The following SMAD2 variants were observed in gnomAD, a reference collection of about 807,000 sequenced individuals.
SMAD2 encodes MAD homolog 2.
In SMAD2, 8 loss-of-function variants were observed where a neutral mutation model predicts 64.4. The ratio of observed to expected loss-of-function variants is 0.12; its 90% CI spans 0.07 to 0.22. SMAD2 has a LOEUF of 0.22. Among genes scored for constraint, SMAD2 ranks in the 10% least tolerant of loss-of-function variants. SMAD2 has a pLI of 1.00. For missense variants in SMAD2, 289 were observed against 561.2 expected, an observed-to-expected ratio of 0.51 and a Z score of 4.90; for synonymous variants, 203 against 195.8, an observed-to-expected ratio of 1.04 and a Z score of -0.31.
chr18:47,869,981 G>T (rs2031833913), intron 3 of SMAD2, among the ~76,000 whole-genome samples: 1 of 151,964 alleles, frequency 6.6e-6, no homozygotes, highest in African/African-American at 2.4e-5. Flanking sequence ...TGAATATGAT[G>T]AGATGAAATG....
rs1162645091 is a variant in SMAD2 at position 47,845,483 on chromosome 18, G to A, written c.1137C>T (p.Gly379=). 6.2e-7 allele frequency: 1 copy of A among 1,612,534 alleles called. No individual in the cohort carries two copies. The highest frequency in any genetic ancestry group is 1.3e-5 in the African/African-American group (1 of 74,870). The change falls in exon 10 of 11, where the codon GGC becomes GGT. Residue 379 remains glycine (G), a splice_region_variant and synonymous_variant. Coordinates refer to ENST00000262160, the MANE Select transcript of SMAD2 (RefSeq NM_005901.6). ...HPATVCKIPP[G]CNLKIFNNQE... The stretch of plus-strand genomic sequence containing the variant: ...GGTTGTTGAAGATCTTCAGATTACA[G>A]CCTATGATTAAAAAAGGTAAAAGAA...
chr18:47,859,061 A>T (rs1279679485), intron 6 of SMAD2, among the ~76,000 whole-genome samples: 1 of 152,154 alleles, frequency 6.6e-6, no homozygotes, highest in Admixed American at 6.5e-5. Context: ...AAAATATATC[A>T]TGTAACCAGA....
At chr18:47,867,982 T>C (rs535645852) in intron 5 of SMAD2, among the ~76,000 whole-genome samples, 6 of 152,298 alleles carry the variant, frequency 3.9e-5, no homozygotes, top group African/African-American at 1.4e-4. Flanking sequence ...GGGGGGTACT[T>C]TTCTCCTACA....
chr18:47,858,577 G>C (rs1428015789), intron 6 of SMAD2, among the ~76,000 whole-genome samples: 1 of 151,936 alleles, frequency 6.6e-6, no homozygotes, highest in Non-Finnish European at 1.5e-5. Context: ...CTGAACTTTG[G>C]GGTTTATATA....
rs1309107839 is a variant in SMAD2, at chr18:47,854,525, G to A, written c.731-3198C>T. On this transcript the variant is annotated intron_variant, in intron 6 of 10. Transcript: ENST00000262160. ...ATTTCTTGTTTTTGTTGTAAACAGT[G>A]TATTTCTGTTCTTTTAGCCAATTCT... is the stretch of plus-strand genomic sequence containing the variant. 5.3e-5 allele frequency among the ~76,000 whole-genome samples: 8 copies of A among 152,016 alleles called. 1 individual carries two copies. The highest frequency in any genetic ancestry group is 8.8e-5 in the Non-Finnish European group (6 of 68,000).
At chr18:47,920,536 G>A (rs918986162) in intron 1 of SMAD2, among the ~76,000 whole-genome samples, 5 of 152,194 alleles carry the variant, frequency 3.3e-5, no homozygotes, top group African/African-American at 1.2e-4. Context: ...AAGGATAAAC[G>A]AAAAGCTAGT....
At position 47,821,593 on chromosome 18, in the gene SMAD2, T is replaced by C. The variant is rs576158130; in HGVS notation, c.*20234A>G. ...CATAACCTTGGAAATACTCTTCCTG[T>C]GTCTGATTAAATTCAAGTACCTTTT... is the stretch of plus-strand genomic sequence containing the variant. On this transcript the variant is annotated 3_prime_UTR_variant, in exon 11 of 11. Transcript: ENST00000262160. 184 of 152,370 alleles carry C rather than the reference T, an allele frequency of 1.2e-3. No individual in the cohort carries two copies. Among genetic ancestry groups the C allele is most frequent in the African/African-American group, 4.1e-3 (172 of 41,586 alleles). 9.4% of individuals were successfully genotyped at this position (152,370 alleles called of 1,614,324 possible). A position where few individuals can be genotyped will look rare whatever the true frequency, so the allele number is the denominator to read the frequency against.
intron 6 of SMAD2, among the ~76,000 whole-genome samples, chr18:47,863,273 T>C (rs1315537789): frequency 6.6e-6 from 1 of 151,692 alleles, no homozygotes; most frequent in Non-Finnish European, 1.5e-5. Flanking sequence ...AAACTAACTG[T>C]TGGCATCTCA....
intron 2 of SMAD2, chr18:47,878,442 A>C (rs574040632): frequency 6.6e-6 from 1 of 152,160 alleles, no homozygotes; most frequent in East Asian, 1.9e-4. Context: ...CAGCCTGTGC[A>C]ACAAAGTGAG....
In SMAD2 at chr18:47,841,144, T is replaced by C. The variant is rs1161536389; in HGVS notation, c.*683A>G. Reference sequence around the variant, plus strand: ...GTTTCCTTATAATAAGATTTAGCAGTTAAAAAAAAAAACAAAAAAAAACAA... The same window carrying C: ...GTTTCCTTATAATAAGATTTAGCAGCTAAAAAAAAAAACAAAAAAAAACAA... On this transcript the variant is annotated 3_prime_UTR_variant, in exon 11 of 11. Coordinates refer to ENST00000262160, the MANE Select transcript of SMAD2 (RefSeq NM_005901.6). 3 of 220,152 alleles carry C rather than the reference T, an allele frequency of 1.4e-5. No individual in the cohort carries two copies. The East Asian group carries it at 1.9e-4, about 14-fold the overall frequency. 13.6% of individuals were successfully genotyped at this position (220,152 alleles called of 1,614,324 possible).
intron 6 of SMAD2, among the ~76,000 whole-genome samples, chr18:47,852,150 T>C (rs971972945): frequency 1.3e-5 from 2 of 152,192 alleles, no homozygotes; most frequent in Non-Finnish European, 2.9e-5. Flanking sequence ...TGTTGATCAT[T>C]TTCTTACTGA....
chr18:47,905,242 C>G (rs899464242), intron 1 of SMAD2, among the ~76,000 whole-genome samples: 1 of 151,960 alleles, frequency 6.6e-6, no homozygotes, highest in African/African-American at 2.4e-5. Context: ...TTCTACATAT[C>G]TAAAGAAAGA....
At chr18:47,864,173 C>A (rs191555288) in intron 6 of SMAD2, among the ~76,000 whole-genome samples, 1 of 152,058 alleles carries the variant, frequency 6.6e-6, no homozygotes, top group African/African-American at 2.4e-5. Flanking sequence ...TTATTTCCAA[C>A]GTTCATTAGA....
intron 6 of SMAD2, among the ~76,000 whole-genome samples, chr18:47,856,575 G>A (rs1225826054): frequency 1.5e-4 from 23 of 152,116 alleles, no homozygotes; most frequent in Admixed American, 1.5e-3. Context: ...ATGATCACTA[G>A]TCATATTCTA....
At chr18:47,873,701 T>C (rs2032081545) in intron 2 of SMAD2, among the ~76,000 whole-genome samples, 1 of 152,050 alleles carries the variant, frequency 6.6e-6, no homozygotes, top group Non-Finnish European at 1.5e-5. Context: ...TATTTGAAAA[T>C]AGCAGACACA....
chr18:47,845,945 T>G (rs1267406887), intron 8 of SMAD2, 145 bp from the exon 9 acceptor site: 7 of 714,008 alleles, frequency 9.8e-6, no homozygotes, highest in Non-Finnish European at 1.7e-5. Flanking sequence ...AAGTCTAACT[T>G]TAAATATACT....
intron 1 of SMAD2, among the ~76,000 whole-genome samples, chr18:47,902,757 T>C (rs2144493089): frequency 6.6e-6 from 1 of 152,306 alleles, no homozygotes; most frequent in East Asian, 1.9e-4. Context: ...GAACCAGAGT[T>C]GAGGATACAA....
chr18:47,904,658 C>A (rs2033832376), intron 1 of SMAD2, among the ~76,000 whole-genome samples: 1 of 152,100 alleles, frequency 6.6e-6, no homozygotes, highest in South Asian at 2.1e-4. Context: ...TCACATCCAG[C>A]AACATAATAG....
intron 2 of SMAD2, among the ~76,000 whole-genome samples, chr18:47,879,346 A>C (rs974161148): frequency 6.6e-6 from 1 of 152,120 alleles, no homozygotes; most frequent in African/African-American, 2.4e-5. Context: ...CCATGCGCTC[A>C]TCCCCAGAGG....
Sources: gnomAD v4.1 joint callset for allele counts (sites outside exome capture counted in the v4.1 genomes callset) on GRCh38, gnomAD v4.1.1 for gene constraint, MANE v1.5 for transcripts, NCBI Gene and HGNC (gene_info 2026-07-23, HGNC 2026-07-21) for gene names.